DENND2B: variants seen among roughly 807,000 people sequenced by gnomAD.
DENND2B encodes the protein DENN domain-containing protein 2B.
A neutral mutation model predicts 116.0 loss-of-function variants in DENND2B; 32 were observed. That is an observed-to-expected ratio of 0.28 (90% CI 0.21 to 0.37). DENND2B has a LOEUF of 0.37. Among genes scored for constraint, DENND2B ranks in the 10% least tolerant of loss-of-function variants. The probability of loss-of-function intolerance (pLI) is 1.00; values close to 1 mark genes in which losing one functional copy is unlikely to be tolerated. For synonymous variants in DENND2B, 588 were observed against 583.9 expected (o/e 1.01, Z -0.10); for missense variants, 1,276 against 1,477.7 (o/e 0.86, Z 2.24).
At chr11:8,804,585 C>T (rs1237217703) in intron 1 of DENND2B, among the ~76,000 whole-genome samples, 8 of 129,302 alleles carry the variant, frequency 6.2e-5, no homozygotes, top group Admixed American at 2.0e-4. Flanking sequence ...TGCTCTGTCG[C>T]CCAGGCTGGA....
chr11:8,725,853 G>T (rs1021242896), intron 4 of DENND2B, among the ~76,000 whole-genome samples: 20 of 152,168 alleles, frequency 1.3e-4, no homozygotes, highest in Admixed American at 4.6e-4. Flanking sequence ...TGTCCCCAAA[G>T]GTCCTTTGGA....
At chr11:8,888,302 C>T (rs1001746936) in intron 1 of DENND2B, among the ~76,000 whole-genome samples, 6 of 152,154 alleles carry the variant, frequency 3.9e-5, no homozygotes, top group Admixed American at 2.0e-4. Flanking sequence ...CTTCAAATGT[C>T]AGTGATCTGT....
chr11:8,845,889 A>C (rs896928086), intron 3 of DENND2B, among the ~76,000 whole-genome samples: 1 of 152,064 alleles, frequency 6.6e-6, no homozygotes, highest in African/African-American at 2.4e-5. Flanking sequence ...AGACAGCCTA[A>C]ATGTGCTCAA....
At chr11:8,767,813 G>C (rs931888413) in intron 1 of DENND2B, among the ~76,000 whole-genome samples, 5 of 152,164 alleles carry the variant, frequency 3.3e-5, no homozygotes, top group Non-Finnish European at 4.4e-5. Context: ...GAGATTCCTA[G>C]ATTCTTAGAG....
In DENND2B at chr11:8,849,221, G is replaced by A. The variant is rs549564286; in HGVS notation, c.-156+8122C>T. On this transcript the variant is annotated intron_variant, in intron 3 of 6. Transcript: ENST00000524757. ...GAAGAGAATACTACAGGCCGGGCGC[G>A]GTGGCTCACACCTGTAATCCCAGCA... Among the ~76,000 whole-genome samples, 22 of 152,144 alleles carry A rather than the reference G, an allele frequency of 1.4e-4. No homozygotes were observed. In the East Asian group the frequency reaches 2.7e-3, roughly 19 times the overall value.
At chr11:8,838,742 T>C (rs2062520578) in intron 4 of DENND2B, among the ~76,000 whole-genome samples, 1 of 152,176 alleles carries the variant, frequency 6.6e-6, no homozygotes, top group African/African-American at 2.4e-5. Context: ...GATAGGATTG[T>C]AGGTCTAAAT....
In DENND2B at chr11:8,728,673, C is replaced by T. The variant is rs576381934; in HGVS notation, c.1340+1277G>A. 3.9e-5 allele frequency among the ~76,000 whole-genome samples: 6 copies of T among 152,366 alleles called. No individual in the cohort carries two copies. In the East Asian group the frequency reaches 1.2e-3, roughly 29 times the overall value. On this transcript the variant is annotated intron_variant, in intron 3 of 19. Coordinates refer to ENST00000313726, the MANE Select transcript of DENND2B (RefSeq NM_213618.2). Reference sequence around the variant, plus strand: ...GCTCAGCAACTCCCTCTATGAGGAGCCTCCCTTCTCTCCCCCATCTAACTC... The same window carrying T: ...GCTCAGCAACTCCCTCTATGAGGAGTCTCCCTTCTCTCCCCCATCTAACTC...
chr11:8,855,000 C>T (rs1208207333), intron 3 of DENND2B, among the ~76,000 whole-genome samples: 1 of 151,354 alleles, frequency 6.6e-6, no homozygotes, highest in African/African-American at 2.4e-5. Flanking sequence ...AAAAAATTAG[C>T]CAGGCATAGT....
intron 4 of DENND2B, among the ~76,000 whole-genome samples, chr11:8,830,056 C>G (rs1226115000): frequency 6.6e-6 from 1 of 152,190 alleles, no homozygotes; most frequent in Non-Finnish European, 1.5e-5. Context: ...GCTGACCTGC[C>G]AGGTCCTTTA....
intron 14 of DENND2B, among the ~76,000 whole-genome samples, chr11:8,701,956 C>CGT (rs1407032992): frequency 6.6e-6 from 1 of 152,148 alleles, no homozygotes; most frequent in African/African-American, 2.4e-5. Context: ...CCCTGCACAT[C>CGT]ATCTGTTTCC....
chr11:8,863,812 A>C (rs749812391), intron 2 of DENND2B, among the ~76,000 whole-genome samples: 1 of 152,084 alleles, frequency 6.6e-6, no homozygotes, highest in Non-Finnish European at 1.5e-5. Context: ...GAAAAGTACA[A>C]AGCTTTGATT....
chr11:8,870,509 A>ATGTGTG (rs35041188), intron 2 of DENND2B, among the ~76,000 whole-genome samples: 22 of 150,040 alleles, frequency 1.5e-4, no homozygotes, highest in African/African-American at 5.1e-4. Context: ...GTGCGTGTGT[A>ATGTGTG]TGTGTGTGTG....
intron 1 of DENND2B, among the ~76,000 whole-genome samples, chr11:8,910,196 G>C (rs2064298976): frequency 6.6e-6 from 1 of 151,684 alleles, no homozygotes; most frequent in South Asian, 2.1e-4. Context: ...CAACTTCTCA[G>C]GCGCCCCCTG....
chr11:8,887,776 C>G (rs376354438), intron 1 of DENND2B, among the ~76,000 whole-genome samples: 4 of 152,202 alleles, frequency 2.6e-5, no homozygotes, highest in Admixed American at 1.3e-4. Flanking sequence ...TGACATACCT[C>G]TCTACCTGCT....
chr11:8,896,021 T>C lies in DENND2B; in HGVS notation c.-256+14800A>G, dbSNP rs2134750973. 2.0e-5 allele frequency among the ~76,000 whole-genome samples: 3 copies of C among 152,264 alleles called. 1 individual carries two copies. The Middle Eastern group carries it at 0.01, about 518-fold the overall frequency. On this transcript the variant is annotated intron_variant, in intron 1 of 22. Coordinates refer to the DENND2B transcript ENST00000534127. ...AAAGAAGTCACAAAACTGAGGGATA[T>C]AAATACTTGAATGCAAACAGTAATA...
intron 1 of DENND2B, among the ~76,000 whole-genome samples, chr11:8,801,514 T>C (rs2060309815): frequency 6.7e-6 from 1 of 150,080 alleles, no homozygotes; most frequent in Admixed American, 6.6e-5. Context: ...CCGTCTCTAC[T>C]AAAATACAAA....
At chr11:8,856,105 G>A (rs1485370956) in intron 3 of DENND2B, among the ~76,000 whole-genome samples, 1 of 152,140 alleles carries the variant, frequency 6.6e-6, no homozygotes, top group East Asian at 1.9e-4. Flanking sequence ...GCTGTATAAC[G>A]TTTGGGGCTA....
chr11:8,704,316 C>A (rs2042216328), intron 13 of DENND2B, among the ~76,000 whole-genome samples: 1 of 152,084 alleles, frequency 6.6e-6, no homozygotes, highest in South Asian at 2.1e-4. Flanking sequence ...TACTTGACTC[C>A]CCAAAGAGAA....
At chr11:8,822,154 T>C (rs2134548578) in intron 4 of DENND2B, among the ~76,000 whole-genome samples, 1 of 151,810 alleles carries the variant, frequency 6.6e-6, no homozygotes, top group African/African-American at 2.4e-5. Context: ...AAACTATACA[T>C]ATAAAAATAG....
Sources: allele counts gnomAD v4.1 joint callset (sites outside exome capture counted in the v4.1 genomes callset), GRCh38; gene constraint gnomAD v4.1.1; transcripts MANE v1.5; gene names NCBI Gene and HGNC (gene_info 2026-07-23, HGNC 2026-07-21).